ZSCAN5A: variants seen among roughly 807,000 people sequenced by gnomAD.
The protein encoded by ZSCAN5A is zinc finger and SCAN domain-containing protein 5A.
Under a neutral mutation model 23.7 loss-of-function variants are expected in ZSCAN5A, and 12 were observed. The observed-to-expected ratio is 0.51, with a 90% CI of 0.32 to 0.82. ZSCAN5A has a LOEUF of 0.82. ZSCAN5A is among the 40% of genes least tolerant of loss of function. The probability of loss-of-function intolerance (pLI) is 0.03; values close to 1 mark genes in which losing one functional copy is unlikely to be tolerated. For synonymous variants in ZSCAN5A, 257 were observed against 239.9 expected (o/e 1.07, Z -0.66); for missense variants, 597 against 617.9 (o/e 0.97, Z 0.36).
chr19:56,334,600 G>C (rs928768891), intron 2 of ZSCAN5A, among the ~76,000 whole-genome samples: 2 of 152,008 alleles, frequency 1.3e-5, no homozygotes, highest in African/African-American at 4.8e-5. Context: ...TATTTTTTGT[G>C]TTACAAACAC....
chr19:56,337,488 TTC>T (rs766588403), intron 2 of ZSCAN5A, among the ~76,000 whole-genome samples: 17 of 152,198 alleles, frequency 1.1e-4, no homozygotes, highest in Non-Finnish European at 2.5e-4. Flanking sequence ...TGTTACCCCT[TTC>T]TTTGACTAGG....
intron 2 of ZSCAN5A, among the ~76,000 whole-genome samples, chr19:56,243,696 C>T (rs1005594727): frequency 1.3e-5 from 2 of 152,116 alleles, no homozygotes; most frequent in Non-Finnish European, 2.9e-5. Flanking sequence ...GATTTCACTT[C>T]TGCACAATGA....
At chr19:56,319,370 C>T (rs1307061363), upstream of ZSCAN5A, among the ~76,000 whole-genome samples, 6 of 151,766 alleles carry the variant, frequency 4.0e-5, no homozygotes, top group East Asian at 1.2e-3. Context: ...GTGGCGGGTG[C>T]CTGTAATCCT....
At position 56,244,123 on chromosome 19, in the gene ZSCAN5A, T is replaced by A. The variant is rs12608538; in HGVS notation, c.-127-18950A>T. 2,039 of 1,558,986 alleles carry A rather than the reference T, an allele frequency of 1.3e-3. 12 individuals are homozygous for A. The highest frequency in any genetic ancestry group is 5.6e-3 in the South Asian group (504 of 89,216). ...AGTCAGAGCCGCCACAGTCTGTGGCTTCCCCAGAAACTCAACTTGGAAATC... is the reference window on the plus strand; with the variant it reads ...AGTCAGAGCCGCCACAGTCTGTGGCATCCCCAGAAACTCAACTTGGAAATC... On this transcript the variant is annotated intron_variant, in intron 2 of 5. Coordinates refer to ENST00000683990, the MANE Select transcript of ZSCAN5A (RefSeq NM_001322064.3).
At chr19:56,289,720 C>A (rs149534864) in intron 2 of ZSCAN5A, among the ~76,000 whole-genome samples, 113 of 152,258 alleles carry the variant, frequency 7.4e-4, no homozygotes, top group African/African-American at 2.7e-3. Context: ...CTCAAGCAAT[C>A]CTCCTGCCTC....
At chr19:56,306,251 T>C (rs2040678794) in intron 2 of ZSCAN5A, among the ~76,000 whole-genome samples, 1 of 152,170 alleles carries the variant, frequency 6.6e-6, no homozygotes, top group South Asian at 2.1e-4. Context: ...ATGGGAGGTT[T>C]CTCTTCCCTC....
rs2034777263 is a variant in ZSCAN5A at position 56,235,051 on chromosome 19, G to A, written c.-127-9878C>T. Among the ~76,000 whole-genome samples, 40 of 150,402 alleles carry A rather than the reference G, an allele frequency of 2.7e-4. 4 individuals are homozygous for A. Among genetic ancestry groups the A allele is most frequent in the East Asian group, 5.8e-4 (3 of 5,132 alleles). ...TAACGAGACAGAAGCCTCCACTCCAGCCTCTGATTGACCGTGGGCCAAGCC... is the reference window on the plus strand; with the variant it reads ...TAACGAGACAGAAGCCTCCACTCCAACCTCTGATTGACCGTGGGCCAAGCC... On this transcript the variant is annotated intron_variant, in intron 2 of 5. Transcript: ENST00000683990.
chr19:56,244,770 T>A (rs1270486659), intron 2 of ZSCAN5A, among the ~76,000 whole-genome samples: 1 of 150,576 alleles, frequency 6.6e-6, no homozygotes, highest in Non-Finnish European at 1.5e-5. Context: ...GAGGCCAACA[T>A]GAAAGAAAGA....
At chr19:56,236,615 C>T (rs373557603) in intron 2 of ZSCAN5A, among the ~76,000 whole-genome samples, 3,946 of 28,364 alleles carry the variant, frequency 0.14, 92 homozygotes, top group East Asian at 0.2. Context: ...GTGGGCCAAG[C>T]CTCCACTCCA....
At chr19:56,244,106 C>G (rs202135925) in intron 2 of ZSCAN5A, 4 of 1,485,970 alleles carry the variant, frequency 2.7e-6, no homozygotes, top group Non-Finnish European at 3.7e-6. Context: ...TGAGTCAGAG[C>G]CGCCACAGTC....
intron 2 of ZSCAN5A, chr19:56,304,687 G>GA (rs2147303197): frequency 1.6e-6 from 1 of 625,812 alleles, no homozygotes; most frequent in South Asian, 7.1e-5. Flanking sequence ...GGGAGGACGG[G>GA]AAAGAAGCGA....
chr19:56,332,242 G>A (rs897707567), intron 2 of ZSCAN5A, among the ~76,000 whole-genome samples: 12 of 152,080 alleles, frequency 7.9e-5, no homozygotes, highest in Non-Finnish European at 1.0e-4. Flanking sequence ...CTGATGATCC[G>A]TCTAATGCTG....
At chr19:56,366,830 T>G (rs2041770244) in intron 1 of ZSCAN5A, among the ~76,000 whole-genome samples, 1 of 152,176 alleles carries the variant, frequency 6.6e-6, no homozygotes, top group Admixed American at 6.6e-5. Flanking sequence ...CATAGAACAC[T>G]TCCCCTCTCA....
intron 2 of ZSCAN5A, among the ~76,000 whole-genome samples, chr19:56,265,989 G>C (rs952363695): frequency 1.3e-5 from 2 of 152,156 alleles, no homozygotes; most frequent in African/African-American, 4.8e-5. Flanking sequence ...AAGGAAATCA[G>C]GGTATAGAGA....
intron 2 of ZSCAN5A, among the ~76,000 whole-genome samples, chr19:56,362,849 C>T (rs1275199205): frequency 2.1e-5 from 3 of 145,280 alleles, no homozygotes; most frequent in African/African-American, 5.1e-5. Flanking sequence ...CCAGCCTGGG[C>T]GACAGAGTGA....
chr19:56,222,699 C>G lies in ZSCAN5A; in HGVS notation c.631G>C (p.Asp211His), dbSNP rs1190390490. The change falls in exon 5 of 6, where the codon GAC (aspartate) becomes CAC (histidine). Residue 211 changes from aspartate to histidine, a missense_variant. Physicochemically the swap from Asp to His is moderately conservative, Grantham distance 81. Transcript: ENST00000683990. Reference protein sequence around the residue: ...LLHKSIDVTGDPKSLRPKQTL... With the variant: ...LLHKSIDVTGHPKSLRPKQTL... ...TGCTTGGGTCTCAGAGACTTTGGGT[C>G]ACCTGTTACGTCAATACTCTTGTGT... 9.9e-6 allele frequency: 16 copies of G among 1,614,036 alleles called. No homozygotes were observed. The highest frequency in any genetic ancestry group is 1.3e-5 in the African/African-American group (1 of 74,910).
intron 2 of ZSCAN5A, among the ~76,000 whole-genome samples, chr19:56,272,220 T>C (rs1197532314): frequency 6.6e-6 from 1 of 152,186 alleles, no homozygotes; most frequent in Non-Finnish European, 1.5e-5. Context: ...ACGATAGATG[T>C]TGTTTGCTTG....
chr19:56,224,149 T>G (rs2033643181), intron 3 of ZSCAN5A, among the ~76,000 whole-genome samples: 1 of 151,882 alleles, frequency 6.6e-6, no homozygotes, highest in Non-Finnish European at 1.5e-5. Context: ...CGATGGCAGC[T>G]CACCTTGTAT....
chr19:56,246,865 C>G (rs758289076), intron 2 of ZSCAN5A: 1 of 1,610,998 alleles, frequency 6.2e-7, no homozygotes, highest in East Asian at 2.2e-5. Flanking sequence ...AGGAGACGCT[C>G]TGAATCTGAG....
Sources: gnomAD v4.1 joint callset for allele counts (sites outside exome capture counted in the v4.1 genomes callset) on GRCh38, gnomAD v4.1.1 for gene constraint, MANE v1.5 for transcripts, NCBI Gene and HGNC (gene_info 2026-07-23, HGNC 2026-07-21) for gene names.